The following GALNTL6 variants were observed in gnomAD, a reference collection of about 807,000 sequenced individuals.
The protein encoded by GALNTL6 is polypeptide N-acetylgalactosaminyltransferase-like 6.
GALNTL6 carries 46 observed loss-of-function variants against 73.7 expected under a neutral mutation model. That is an observed-to-expected ratio of 0.62 (90% confidence interval 0.49 to 0.80). The LOEUF (loss-of-function observed/expected upper bound fraction) is 0.80, where lower values mean the gene tolerates loss of function less well. Ranked by LOEUF, GALNTL6 falls within the 30% of genes least tolerant of loss-of-function variation. The pLI, the probability that GALNTL6 is intolerant of heterozygous loss-of-function variation, is 0.00. For synonymous variants in GALNTL6, 259 were observed against 263.7 expected, an observed-to-expected ratio of 0.98 and a Z score of 0.17; for missense variants, 604 against 755.0, an observed-to-expected ratio of 0.80 and a Z score of 2.34.
At chr4:172,047,409 C>G (rs1007895634) in intron 2 of GALNTL6, among the ~76,000 whole-genome samples, 11 of 152,086 alleles carry the variant, frequency 7.2e-5, no homozygotes, top group African/African-American at 2.7e-4. Flanking sequence ...AGACTGCACA[C>G]CACTGACCAA....
At position 172,348,549 on chromosome 4, in the gene GALNTL6, G is replaced by T. The variant is rs187477338; in HGVS notation, c.413G>T (p.Arg138Met). 23 of 1,612,630 alleles carry T rather than the reference G, an allele frequency of 1.4e-5. No individual in the cohort carries two copies. The East Asian group carries it at 4.7e-4, about 33-fold the overall frequency. ...ANCKHKMYLE[R>M]LPNTSIIIPF... ...TGTAAGCATAAGATGTATCTGGAAA[G>T]GCTGCCAAACACCAGCATCATTATC... The change falls in exon 5 of 13, where the codon AGG (arginine) becomes ATG (methionine). Residue 138 changes from arginine (R) to methionine (M), a missense_variant. Physicochemically the swap from Arg to Met is moderately conservative, Grantham distance 91. Transcript: ENST00000506823.
chr4:171,968,536 T>A (rs1739457510), intron 2 of GALNTL6, among the ~76,000 whole-genome samples: 1 of 152,212 alleles, frequency 6.6e-6, no homozygotes, highest in African/African-American at 2.4e-5. Flanking sequence ...TCCAGCATGA[T>A]CTAGTTCTTT....
intron 2 of GALNTL6, among the ~76,000 whole-genome samples, chr4:172,163,486 C>T (rs538941429): frequency 6.6e-6 from 1 of 151,912 alleles, no homozygotes; most frequent in Non-Finnish European, 1.5e-5. Context: ...AAGAAACAAG[C>T]AAATGGTATT....
At chr4:172,278,632 GAGA>G (rs749540751) in intron 3 of GALNTL6, among the ~76,000 whole-genome samples, 1 of 152,038 alleles carries the variant, frequency 6.6e-6, no homozygotes, top group Non-Finnish European at 1.5e-5. Flanking sequence ...GTAACTTCCT[GAGA>G]AGGAGCATAG....
intron 5 of GALNTL6, among the ~76,000 whole-genome samples, chr4:172,750,477 A>T (rs1263831869): frequency 6.6e-6 from 1 of 152,126 alleles, no homozygotes; most frequent in East Asian, 1.9e-4. Flanking sequence ...GTCATGACCT[A>T]CCAGGAGGTA....
At chr4:172,755,964 C>T (rs757886231) in intron 5 of GALNTL6, among the ~76,000 whole-genome samples, 1 of 152,176 alleles carries the variant, frequency 6.6e-6, no homozygotes, top group Non-Finnish European at 1.5e-5. Flanking sequence ...AGTCTCCCTT[C>T]ATTTGGTACC....
At chr4:172,166,980 C>A (rs1734647868) in intron 2 of GALNTL6, among the ~76,000 whole-genome samples, 1 of 152,122 alleles carries the variant, frequency 6.6e-6, no homozygotes, top group Non-Finnish European at 1.5e-5. Flanking sequence ...ATCAGAACTC[C>A]TGGGTTCCAG....
At chr4:172,570,857 G>T (rs1736733174) in intron 5 of GALNTL6, among the ~76,000 whole-genome samples, 1 of 152,132 alleles carries the variant, frequency 6.6e-6, no homozygotes. Flanking sequence ...ATCTGGGGGT[G>T]ATGGGAGACA....
At chr4:171,958,763 T>C (rs984632116) in intron 2 of GALNTL6, among the ~76,000 whole-genome samples, 1 of 152,152 alleles carries the variant, frequency 6.6e-6, no homozygotes, top group Non-Finnish European at 1.5e-5. Context: ...AATGCATTGA[T>C]AAACATCAGT....
chr4:171,898,524 G>A (rs1736991890), intron 2 of GALNTL6, among the ~76,000 whole-genome samples: 1 of 151,880 alleles, frequency 6.6e-6, no homozygotes, highest in African/African-American at 2.4e-5. Flanking sequence ...GCAGTAAAAA[G>A]TATCAAAGTA....
At chr4:172,162,859 C>T (rs1264439247) in intron 2 of GALNTL6, among the ~76,000 whole-genome samples, 1 of 152,000 alleles carries the variant, frequency 6.6e-6, no homozygotes, top group South Asian at 2.1e-4. Flanking sequence ...TAATTAAGCA[C>T]GACCATGTTT....
rs1734450283 is a variant in GALNTL6 at position 172,512,066 on chromosome 4, T to C, written c.553+163377T>C. 3.6e-5 allele frequency among the ~76,000 whole-genome samples: 2 copies of C among 55,368 alleles called. 1 individual carries two copies. The highest frequency in any genetic ancestry group is 9.0e-5 in the African/African-American group (2 of 22,282). The allele number at this position is 55,368 out of a possible 152,430, so 36.3% of individuals were successfully genotyped here. A position where few individuals can be genotyped will look rare whatever the true frequency, so the allele number is the denominator to read the frequency against. ...GTCCCCCACTACTATTGTGTTGCCA[T>C]GTATCTCATTTCTTATGTCTAGTAG... On this transcript the variant is annotated intron_variant, in intron 5 of 12. Coordinates refer to ENST00000506823, the MANE Select transcript of GALNTL6 (RefSeq NM_001034845.3).
chr4:172,525,561 A>G (rs1014109609), intron 5 of GALNTL6, among the ~76,000 whole-genome samples: 8 of 152,152 alleles, frequency 5.3e-5, no homozygotes, highest in African/African-American at 1.7e-4. Flanking sequence ...ATTACCTCCA[A>G]TGATTATAAT....
At chr4:172,851,262 G>C (rs1331107585) in intron 7 of GALNTL6, among the ~76,000 whole-genome samples, 1 of 152,018 alleles carries the variant, frequency 6.6e-6, no homozygotes, top group African/African-American at 2.4e-5. Flanking sequence ...TAAAAGCTCT[G>C]TGTCAGGACC....
At chr4:172,385,028 GTTT>G (rs35364844) in intron 5 of GALNTL6, among the ~76,000 whole-genome samples, 1 of 128,872 alleles carries the variant, frequency 7.8e-6, no homozygotes. Flanking sequence ...TTGTTTTTTT[GTTT>G]TTTTTTTTTT....
chr4:172,187,511 A>G (rs1190118173), intron 2 of GALNTL6, among the ~76,000 whole-genome samples: 1 of 152,120 alleles, frequency 6.6e-6, no homozygotes, highest in Non-Finnish European at 1.5e-5. Context: ...CATGCCAACT[A>G]TATTTCAAAA....
chr4:172,294,394 G>GA (rs1312520818), intron 3 of GALNTL6, among the ~76,000 whole-genome samples: 1 of 152,200 alleles, frequency 6.6e-6, no homozygotes, highest in East Asian at 1.9e-4. Flanking sequence ...ATGACATTCT[G>GA]ACAGTTTGCG....
chr4:172,433,243 T>C (rs970464200), intron 5 of GALNTL6, among the ~76,000 whole-genome samples: 3 of 152,152 alleles, frequency 2.0e-5, no homozygotes, highest in Non-Finnish European at 4.4e-5. Flanking sequence ...CTCAGCTTCA[T>C]TGTTCATCTG....
intron 5 of GALNTL6, among the ~76,000 whole-genome samples, chr4:172,608,560 A>G (rs971987178): frequency 6.6e-6 from 1 of 152,128 alleles, no homozygotes; most frequent in African/African-American, 2.4e-5. Flanking sequence ...AAGTTAGGTA[A>G]TGTGATGCCT....
Sources: gnomAD v4.1 joint callset for allele counts (sites outside exome capture counted in the v4.1 genomes callset) on GRCh38, gnomAD v4.1.1 for gene constraint, MANE v1.5 for transcripts, NCBI Gene and HGNC (gene_info 2026-07-23, HGNC 2026-07-21) for gene names.